The following CDH18 variants were observed in gnomAD, a reference collection of about 807,000 sequenced individuals.
CDH18 encodes cadherin-18.
A neutral mutation model predicts 67.9 loss-of-function variants in CDH18; 31 were observed. The ratio of observed to expected loss-of-function variants is 0.46; its 90% CI spans 0.34 to 0.62. The LOEUF is 0.62. CDH18 is among the 20% of genes least tolerant of loss of function. CDH18 has a pLI of 0.01. For missense variants in CDH18, 890 were observed against 975.5 expected (o/e 0.91, Z 1.17); for synonymous variants, 362 against 347.2 (o/e 1.04, Z -0.48).
intron 10 of CDH18, among the ~76,000 whole-genome samples, chr5:19,510,629 T>A (rs1004630210): frequency 6.6e-6 from 1 of 152,072 alleles, no homozygotes; most frequent in Admixed American, 6.6e-5. Flanking sequence ...AGTGTAGTAA[T>A]TACCTTTTTG....
intron 2 of CDH18, among the ~76,000 whole-genome samples, chr5:20,145,327 G>A (rs1750558636): frequency 6.6e-6 from 1 of 152,028 alleles, no homozygotes; most frequent in Non-Finnish European, 1.5e-5. Context: ...TTGCAGAATT[G>A]CAATTGAAAT....
intron 2 of CDH18, among the ~76,000 whole-genome samples, chr5:20,087,226 A>G (rs1745039014): frequency 6.6e-6 from 1 of 152,166 alleles, no homozygotes; most frequent in African/African-American, 2.4e-5. Flanking sequence ...CAATCTCATG[A>G]CAAAGGTTGA....
intron 3 of CDH18, among the ~76,000 whole-genome samples, chr5:19,778,447 A>C: frequency 6.6e-6 from 1 of 152,198 alleles, no homozygotes; most frequent in South Asian, 2.1e-4. Context: ...TAAAAATTGT[A>C]TTCAATCTAC....
At chr5:19,578,666 C>A (rs1742721600) in intron 7 of CDH18, among the ~76,000 whole-genome samples, 1 of 150,972 alleles carries the variant, frequency 6.6e-6, no homozygotes, top group Non-Finnish European at 1.5e-5. Flanking sequence ...TAATATTATT[C>A]TTTTTAGTCG....
chr5:20,514,732 G>A (rs1235867435), intron 1 of CDH18, among the ~76,000 whole-genome samples: 1 of 152,028 alleles, frequency 6.6e-6, no homozygotes, highest in African/African-American at 2.4e-5. Flanking sequence ...GTGATACATT[G>A]CTCAGTAAAT....
chr5:20,059,520 A>C (rs1742280926), intron 2 of CDH18, among the ~76,000 whole-genome samples: 1 of 152,156 alleles, frequency 6.6e-6, no homozygotes, highest in South Asian at 2.1e-4. Flanking sequence ...ATTCTGTTAC[A>C]TTGTGTCTTT....
chr5:20,148,155 G>A (rs961035112), intron 2 of CDH18, among the ~76,000 whole-genome samples: 8 of 150,934 alleles, frequency 5.3e-5, no homozygotes, highest in Non-Finnish European at 7.4e-5. Context: ...GTAGCGGTGC[G>A]ATCTTGGCTC....
chr5:20,438,778 A>G lies in CDH18; in HGVS notation c.-580+136684T>C, dbSNP rs559384115. On this transcript the variant is annotated intron_variant, in intron 1 of 14. Transcript: ENST00000507958. ...TCCTGAATATTTCACTCTGTTTTCTATCCCAGTCTTTCCACCTGTTCCACC... is the reference window on the plus strand; with the variant it reads ...TCCTGAATATTTCACTCTGTTTTCTGTCCCAGTCTTTCCACCTGTTCCACC... 5.3e-5 allele frequency among the ~76,000 whole-genome samples: 8 copies of G among 151,498 alleles called. No homozygotes were observed. In the South Asian group the frequency reaches 1.5e-3, roughly 28 times the overall value.
intron 2 of CDH18, among the ~76,000 whole-genome samples, chr5:20,129,118 C>G (rs1447236781): frequency 6.6e-6 from 1 of 151,878 alleles, no homozygotes; most frequent in Non-Finnish European, 1.5e-5. Flanking sequence ...AAATGAAGTA[C>G]CTGTTGATCA....
At chr5:20,211,711 A>G (rs915445904) in intron 2 of CDH18, among the ~76,000 whole-genome samples, 18 of 152,180 alleles carry the variant, frequency 1.2e-4, no homozygotes, top group African/African-American at 4.1e-4. Context: ...TAACAAACAG[A>G]AAGGAATAGC....
At chr5:19,959,468 T>C (rs1796584437) in intron 2 of CDH18, among the ~76,000 whole-genome samples, 2 of 152,088 alleles carry the variant, frequency 1.3e-5, no homozygotes, top group Admixed American at 6.6e-5. Context: ...TTTGTATTTA[T>C]TTTCCCACTT....
chr5:20,246,041 A>G (rs139058218), intron 2 of CDH18, among the ~76,000 whole-genome samples: 48 of 152,306 alleles, frequency 3.2e-4, no homozygotes, highest in African/African-American at 1.1e-3. Context: ...TGGAAAGAGA[A>G]GCAAGCAGTA....
At chr5:19,572,515 G>C (rs775927891) in intron 7 of CDH18, among the ~76,000 whole-genome samples, 2 of 152,082 alleles carry the variant, frequency 1.3e-5, no homozygotes, top group Non-Finnish European at 2.9e-5. Context: ...GTCAATTCAG[G>C]TTGCTATAAC....
At chr5:19,989,293 C>A (rs181350869), upstream of CDH18, among the ~76,000 whole-genome samples, 2 of 152,248 alleles carry the variant, frequency 1.3e-5, no homozygotes, top group East Asian at 1.9e-4. Flanking sequence ...AAAGATATTA[C>A]TTTTTCTGCT....
At chr5:20,417,861 G>A (rs925713076) in intron 1 of CDH18, among the ~76,000 whole-genome samples, 1 of 152,126 alleles carries the variant, frequency 6.6e-6, no homozygotes. Flanking sequence ...CTCCCAAATA[G>A]TTATAACATC....
At chr5:20,330,321 T>C (rs1381176634) in intron 1 of CDH18, among the ~76,000 whole-genome samples, 2 of 152,068 alleles carry the variant, frequency 1.3e-5, no homozygotes, top group African/African-American at 4.8e-5. Flanking sequence ...AGGTAGCTAG[T>C]TAGACATGAG....
chr5:19,983,762 G>A (rs944817335), intron 1 of CDH18, among the ~76,000 whole-genome samples: 6 of 152,112 alleles, frequency 3.9e-5, no homozygotes, highest in Non-Finnish European at 7.3e-5. Context: ...TTCCTGGAAC[G>A]TGTACCACAC....
At chr5:19,605,604 C>T (rs1030750751) in intron 6 of CDH18, among the ~76,000 whole-genome samples, 3 of 151,966 alleles carry the variant, frequency 2.0e-5, no homozygotes, top group Non-Finnish European at 2.9e-5. Context: ...ATATCTAACT[C>T]TGTCATATAA....
At chr5:20,056,927 A>G (rs1742044127) in intron 2 of CDH18, among the ~76,000 whole-genome samples, 1 of 151,418 alleles carries the variant, frequency 6.6e-6, no homozygotes. Flanking sequence ...CCTGGTGATC[A>G]GCCCGTCTCG....
Sources: gnomAD v4.1 joint callset for allele counts (sites outside exome capture counted in the v4.1 genomes callset) on GRCh38, gnomAD v4.1.1 for gene constraint, MANE v1.5 for transcripts, NCBI Gene and HGNC (gene_info 2026-07-23, HGNC 2026-07-21) for gene names.